The following WDR70 variants were observed in gnomAD, a reference collection of about 807,000 sequenced individuals.
WDR70 encodes WD repeat domain 70, also known as WD repeat-containing protein 70.
In WDR70, 53 loss-of-function variants were observed where a neutral mutation model predicts 88.6. The ratio of observed to expected loss-of-function variants is 0.60; its 90% CI spans 0.48 to 0.75. The LOEUF is 0.75. WDR70 is among the 30% of genes least tolerant of loss of function. The probability of loss-of-function intolerance (pLI) is 0.00; values close to 1 mark genes in which losing one functional copy is unlikely to be tolerated. For synonymous variants in WDR70, 280 were observed against 270.0 expected, an observed-to-expected ratio of 1.04 and a Z score of -0.36; for missense variants, 610 against 823.2, an observed-to-expected ratio of 0.74 and a Z score of 3.17.
intron 13 of WDR70, among the ~76,000 whole-genome samples, chr5:37,714,192 A>G (rs1342835881): frequency 6.6e-6 from 1 of 152,214 alleles, no homozygotes; most frequent in Non-Finnish European, 1.5e-5. Context: ...GGTTTTACAT[A>G]CTTAATGATT....
intron 5 of WDR70, among the ~76,000 whole-genome samples, chr5:37,401,164 ATTTTTTTTT>A (rs559450523): frequency 2.1e-3 from 144 of 69,160 alleles, no homozygotes; most frequent in Middle Eastern, 0.011. Context: ...ACACCTAGCT[ATTTTTTTTT>A]TTTTTTTTTT....
At chr5:37,478,004 T>G (rs1329151515) in intron 7 of WDR70, among the ~76,000 whole-genome samples, 1 of 152,222 alleles carries the variant, frequency 6.6e-6, no homozygotes, top group Non-Finnish European at 1.5e-5. Context: ...GATGTGACTG[T>G]CAGCTGCTTT....
intron 10 of WDR70, among the ~76,000 whole-genome samples, chr5:37,675,103 GT>G (rs1466303403): frequency 2.0e-5 from 3 of 152,010 alleles, no homozygotes; most frequent in Non-Finnish European, 4.4e-5. Flanking sequence ...TTGTAAATTT[GT>G]TTGAGTTCAT....
At chr5:37,636,000 G>C (rs1490248458) in intron 10 of WDR70, among the ~76,000 whole-genome samples, 2 of 152,186 alleles carry the variant, frequency 1.3e-5, no homozygotes, top group Non-Finnish European at 2.9e-5. Context: ...CTTCTGCCAT[G>C]ATTGTAAATT....
intron 5 of WDR70, among the ~76,000 whole-genome samples, chr5:37,424,815 C>A (rs546450103): frequency 6.6e-6 from 1 of 152,110 alleles, no homozygotes; most frequent in Non-Finnish European, 1.5e-5. Context: ...TTTTTTCCAG[C>A]TTTTTGTCAA....
intron 9 of WDR70, among the ~76,000 whole-genome samples, chr5:37,556,517 G>A (rs1742299030): frequency 6.6e-6 from 1 of 152,110 alleles, no homozygotes; most frequent in South Asian, 2.1e-4. Context: ...TCTTTTAGAA[G>A]TCCTTGATCT....
At chr5:37,610,206 C>G in intron 10 of WDR70, among the ~76,000 whole-genome samples, 1 of 145,090 alleles carries the variant, frequency 6.9e-6, no homozygotes, top group African/African-American at 2.6e-5. Context: ...GCGGAGGTTG[C>G]AGTGAGCCGA....
At chr5:37,615,984 C>T (rs10055453) in intron 10 of WDR70, among the ~76,000 whole-genome samples, 2,935 of 152,238 alleles carry the variant, frequency 0.019, 86 homozygotes, top group African/African-American at 0.066. Flanking sequence ...GTTTAAATCA[C>T]GTTAAACGCA....
At chr5:37,430,249 G>A (rs1750260666) in intron 5 of WDR70, among the ~76,000 whole-genome samples, 1 of 152,178 alleles carries the variant, frequency 6.6e-6, no homozygotes, top group South Asian at 2.1e-4. Flanking sequence ...TAAGGTCAGA[G>A]AAAGGGAGTG....
chr5:37,538,612 G>C (rs1242038057), intron 9 of WDR70, among the ~76,000 whole-genome samples: 1 of 152,176 alleles, frequency 6.6e-6, no homozygotes, highest in Non-Finnish European at 1.5e-5. Flanking sequence ...TTCTGAGTGT[G>C]AGTTGGAGAT....
intron 9 of WDR70, among the ~76,000 whole-genome samples, chr5:37,583,222 T>A (rs1362171737): frequency 1.3e-5 from 2 of 152,030 alleles, no homozygotes; most frequent in African/African-American, 4.8e-5. Flanking sequence ...GTGAGGAGAC[T>A]GAGACCATCC....
intron 17 of WDR70, among the ~76,000 whole-genome samples, chr5:37,745,119 CA>C (rs1394416261): frequency 6.6e-6 from 1 of 152,106 alleles, no homozygotes; most frequent in Non-Finnish European, 1.5e-5. Flanking sequence ...GGCCAATATC[CA>C]ACATTCTTAA....
intron 9 of WDR70, among the ~76,000 whole-genome samples, chr5:37,603,844 T>C (rs1743956023): frequency 6.6e-6 from 1 of 152,218 alleles, no homozygotes; most frequent in South Asian, 2.1e-4. Context: ...GAGTTTGTAA[T>C]ATACATCTTT....
At chr5:37,550,374 A>C (rs575385771) in intron 9 of WDR70, among the ~76,000 whole-genome samples, 1 of 152,188 alleles carries the variant, frequency 6.6e-6, no homozygotes, top group African/African-American at 2.4e-5. Flanking sequence ...ATGTTTTAAG[A>C]CTTGTTTTGT....
intron 10 of WDR70, 81 bp downstream of exon 10, chr5:37,605,319 A>C (rs1313154617): frequency 7.0e-7 from 1 of 1,431,910 alleles, no homozygotes; most frequent in African/African-American, 1.4e-5. Context: ...CAAACGTGTT[A>C]AAGTATTATG....
intron 10 of WDR70, among the ~76,000 whole-genome samples, chr5:37,657,360 C>T (rs1374271138): frequency 6.6e-6 from 1 of 152,180 alleles, no homozygotes; most frequent in Non-Finnish European, 1.5e-5. Context: ...CCAGGTACCC[C>T]AGTTGGAAAT....
intron 10 of WDR70, among the ~76,000 whole-genome samples, chr5:37,676,725 G>C (rs1321236013): frequency 6.6e-6 from 1 of 151,532 alleles, no homozygotes; most frequent in Non-Finnish European, 1.5e-5. Context: ...CCAGGCTTTG[G>C]TATCAGGATG....
At chr5:37,392,170 TTA>T in intron 4 of WDR70, 50 bp downstream of exon 4, 2 of 1,548,270 alleles carry the variant, frequency 1.3e-6, no homozygotes, top group Non-Finnish European at 1.7e-6. Flanking sequence ...TTCTAGGTGT[TTA>T]TAGAGTTTTT....
At chr5:37,679,576 G>A (rs11746775) in intron 10 of WDR70, among the ~76,000 whole-genome samples, 55,500 of 152,038 alleles carry the variant, frequency 0.37, 11,777 homozygotes, top group Admixed American at 0.5. Context: ...GCTGCTATCT[G>A]ATCGTTCCTC....
Sources: allele counts gnomAD v4.1 joint callset (sites outside exome capture counted in the v4.1 genomes callset), GRCh38; gene constraint gnomAD v4.1.1; transcripts MANE v1.5; gene names NCBI Gene and HGNC (gene_info 2026-07-23, HGNC 2026-07-21).